DDX42: variants seen among roughly 807,000 people sequenced by gnomAD.
DDX42 encodes the protein DEAD-box helicase 42, also known as ATP-dependent RNA helicase DDX42.
DDX42 carries 22 observed loss-of-function variants against 101.5 expected under a neutral mutation model. That is an observed-to-expected ratio of 0.22 (90% CI 0.15 to 0.31). DDX42 has a LOEUF of 0.31. Ranked by LOEUF, DDX42 falls within the 10% of genes least tolerant of loss-of-function variation. The probability of loss-of-function intolerance (pLI) is 1.00; values close to 1 mark genes in which losing one functional copy is unlikely to be tolerated. For synonymous variants in DDX42, 402 were observed against 401.2 expected (o/e 1.00, Z -0.02); for missense variants, 849 against 1,199.9 (o/e 0.71, Z 4.32).
intron 8 of DDX42, among the ~76,000 whole-genome samples, chr17:63,807,330 A>G (rs2039855026): frequency 6.6e-6 from 1 of 152,070 alleles, no homozygotes; most frequent in Admixed American, 6.6e-5. Context: ...TAGTTGAGAT[A>G]GGGTTTCACC....
chr17:63,811,743 C>T, intron 13 of DDX42, 189 bp from the exon 14 acceptor site: 1 of 705,516 alleles, frequency 1.4e-6, no homozygotes, highest in Non-Finnish European at 2.5e-6. Context: ...GGTATGTACA[C>T]CAGGTGGAGA....
At chr17:63,777,268 T>G (rs2039431886) in intron 1 of DDX42, among the ~76,000 whole-genome samples, 2 of 152,118 alleles carry the variant, frequency 1.3e-5, no homozygotes, top group Non-Finnish European at 2.9e-5. Context: ...TCTTGACTGT[T>G]TCTCTTCAGC....
chr17:63,792,664 A>ATTTT, intron 3 of DDX42, 102 bp downstream of exon 3: 2 of 1,041,352 alleles, frequency 1.9e-6, no homozygotes, highest in East Asian at 3.4e-5. Flanking sequence ...TAGTCTTATT[A>ATTTT]TTTTTTTTTT....
At chr17:63,816,995 C>CT (rs752898173) in intron 17 of DDX42, 29 bp downstream of exon 17, 1 of 1,593,464 alleles carries the variant, frequency 6.3e-7, no homozygotes, top group Non-Finnish European at 8.6e-7. Context: ...ATTAAAAGCA[C>CT]TTTCAGCAGT....
intron 1 of DDX42, among the ~76,000 whole-genome samples, chr17:63,785,048 T>G (rs1365585299): frequency 1.3e-5 from 2 of 152,182 alleles, no homozygotes; most frequent in African/African-American, 4.8e-5. Context: ...TATACACATA[T>G]GCATACAAGT....
chr17:63,809,002 A>G, intron 10 of DDX42, 54 bp downstream of exon 10: 6 of 1,594,340 alleles, frequency 3.8e-6, no homozygotes, highest in Middle Eastern at 1.7e-4. Flanking sequence ...TATGGAAAAC[A>G]TGATTAGTTT....
chr17:63,792,898 A>C (rs1234498300), intron 3 of DDX42, among the ~76,000 whole-genome samples: 1 of 152,200 alleles, frequency 6.6e-6, no homozygotes, highest in Non-Finnish European at 1.5e-5. Context: ...TATGTAAGGT[A>C]ATTAAACTTA....
At chr17:63,804,880 G>A (rs1264926727) in intron 6 of DDX42, among the ~76,000 whole-genome samples, 191 bp from the exon 7 acceptor site, 1 of 152,100 alleles carries the variant, frequency 6.6e-6, no homozygotes, top group Non-Finnish European at 1.5e-5. Context: ...TGTTTATATT[G>A]AAAATAGGAA....
chr17:63,793,656 C>T (rs72848751), intron 3 of DDX42, among the ~76,000 whole-genome samples: 2,748 of 152,158 alleles, frequency 0.018, 56 homozygotes, highest in Non-Finnish European at 0.027. Context: ...ATTACAACCA[C>T]CATGTTATTG....
At position 63,808,823 on chromosome 17, in the gene DDX42, C is replaced by T; in HGVS notation, c.1027C>T (p.His343Tyr). ...TATATTATTCACAACTTTGTAGATC[C>T]ATGCAGAATGTAAGCGGTTTGGAAA... Reference protein sequence around the residue: ...CPTRELCQQIHAECKRFGKAY... With the variant: ...CPTRELCQQIYAECKRFGKAY... Residue 343 changes from histidine (H) to tyrosine (Y), a missense_variant, in exon 10 of 18, where the codon CAT (histidine) becomes TAT (tyrosine). By Grantham distance (83) the His-to-Tyr change is moderately conservative. Coordinates refer to ENST00000389924, the MANE Select transcript of DDX42 (RefSeq NM_203499.3). The T allele has an allele frequency of 1.9e-6, 3 of 1,613,634 alleles. No homozygotes were observed. The highest frequency in any genetic ancestry group is 3.3e-4 in the Middle Eastern group (2 of 6,062).
At chr17:63,801,594 A>G (rs990438087) in intron 6 of DDX42, among the ~76,000 whole-genome samples, 8 of 151,494 alleles carry the variant, frequency 5.3e-5, no homozygotes, top group Non-Finnish European at 8.8e-5. Flanking sequence ...CAGTGGCGCA[A>G]TCTTGGCTTA....
At chr17:63,784,773 A>G (rs2039526400) in intron 1 of DDX42, among the ~76,000 whole-genome samples, 1 of 137,794 alleles carries the variant, frequency 7.3e-6, no homozygotes, top group South Asian at 3.0e-4. Flanking sequence ...ACTTGTCTTA[A>G]AAAAAGATTT....
chr17:63,780,823 T>C (rs2039479373), intron 1 of DDX42, among the ~76,000 whole-genome samples: 1 of 152,194 alleles, frequency 6.6e-6, no homozygotes, highest in South Asian at 2.1e-4. Context: ...TTCATAGTCA[T>C]GTTTGTTCTT....
In DDX42 at chr17:63,817,872, C is replaced by T; in HGVS notation, c.2291C>T (p.Pro764Leu). ...GTCACCAGTGCCGCCAAGGGCATCC[C>T]AGGCTTTGGCAATACTGGCAACATC... ...SPVTSAAKGI[P>L]GFGNTGNISG... The change falls in exon 18 of 18, where the codon CCA (proline) becomes CTA (leucine). Residue 764 changes from proline (P) to leucine (L), a missense_variant. Pro to Leu is a moderately conservative substitution (Grantham distance 98, BLOSUM62 -3). Around this residue, in one of 5 missense-constraint regions of DDX42, gnomAD observed 300 missense variants for 304.9 expected, o/e 0.98. Coordinates refer to ENST00000389924, the MANE Select transcript of DDX42 (RefSeq NM_203499.3). 6.2e-7 allele frequency: 1 copy of T among 1,614,218 alleles called. No individual in the cohort carries two copies. The highest frequency in any genetic ancestry group is 8.5e-7 in the Non-Finnish European group (1 of 1,180,050).
At chr17:63,811,013 G>A (rs2039903395) in intron 12 of DDX42, 63 bp from the exon 13 acceptor site, 3 of 1,376,292 alleles carry the variant, frequency 2.2e-6, no homozygotes, top group Non-Finnish European at 3.0e-6. Flanking sequence ...TGCCAAAGAA[G>A]CTTAATGGGT....
In DDX42 at chr17:63,805,145, A is replaced by G; in HGVS notation, c.696A>G (p.Leu232=). The G allele has an allele frequency of 6.2e-7, 1 of 1,613,186 alleles. No individual in the cohort carries two copies. Among genetic ancestry groups the G allele is most frequent in the East Asian group, 2.2e-5 (1 of 44,832 alleles). The change falls in exon 7 of 18, where the codon TTA becomes TTG. Residue 232 remains leucine, a synonymous_variant. Coordinates refer to ENST00000389924, the MANE Select transcript of DDX42 (RefSeq NM_203499.3). ...EEITNLTPQQ[L]IDLRHKLNLR... ...TAACCAACCTCACTCCACAGCAGTT[A>G]ATAGATCTCCGGCATAAGCTCAATC... is the stretch of plus-strand genomic sequence containing the variant.
intron 8 of DDX42, among the ~76,000 whole-genome samples, chr17:63,807,175 CTG>C (rs1370828445): frequency 6.6e-6 from 1 of 152,148 alleles, no homozygotes; most frequent in Non-Finnish European, 1.5e-5. Flanking sequence ...GAGTCTCACT[CTG>C]TTGTCCAAGC....
Position 63,809,686 on chromosome 17 carries a change from G to C in DDX42, c.1252+27G>C, listed in dbSNP as rs201494476. ...TATGCCTTGAATACCAGTTTCTTCTGTCCCCATCCTCATGATACTAGTTTT... is the reference window on the plus strand; with the variant it reads ...TATGCCTTGAATACCAGTTTCTTCTCTCCCCATCCTCATGATACTAGTTTT... On this transcript the variant is annotated intron_variant, in intron 11 of 17. Coordinates refer to ENST00000389924, the MANE Select transcript of DDX42 (RefSeq NM_203499.3). 177 of 1,573,760 alleles carry C rather than the reference G, an allele frequency of 1.1e-4. No homozygotes were observed. In the African/African-American group the frequency reaches 2.2e-3, roughly 20 times the overall value.
chr17:63,805,398 CAGTCAG>C (rs2039826668), intron 7 of DDX42: 1 of 515,760 alleles, frequency 1.9e-6, no homozygotes, highest in Non-Finnish European at 3.2e-6. Flanking sequence ...TTTCATATTT[CAGTCAG>C]TTTTATATGT....
Sources: allele counts gnomAD v4.1 joint callset (sites outside exome capture counted in the v4.1 genomes callset), GRCh38; gene constraint gnomAD v4.1.1; regional missense constraint gnomAD v4.1.1; transcripts MANE v1.5; gene names NCBI Gene and HGNC (gene_info 2026-07-23, HGNC 2026-07-21).